YIPF6: variants seen among roughly 807,000 people sequenced by gnomAD.
The protein encoded by YIPF6 is protein YIPF6.
YIPF6 carries 3 observed loss-of-function variants against 16.8 expected under a neutral mutation model. The ratio of observed to expected loss-of-function variants is 0.18; its 90% CI spans 0.08 to 0.46. YIPF6 has a LOEUF of 0.46. YIPF6 is among the 20% of genes least tolerant of loss of function. The pLI, the probability that YIPF6 is intolerant of heterozygous loss-of-function variation, is 0.98. For synonymous variants in YIPF6, 67 were observed against 61.9 expected, an observed-to-expected ratio of 1.08 and a Z score of -0.38; for missense variants, 145 against 184.9, an observed-to-expected ratio of 0.78 and a Z score of 1.25.
chrX:68,522,414 A>G (rs1480795528), intron 5 of YIPF6, among the ~76,000 whole-genome samples: 1 of 109,509 alleles, frequency 9.1e-6, no homozygotes. Flanking sequence ...TTCCTGCCTC[A>G]GCCTCCTGAG....
At chrX:68,518,896 T>C in intron 4 of YIPF6, 84 bp downstream of exon 4, 1 of 947,756 alleles carries the variant, frequency 1.1e-6, no homozygotes, top group Non-Finnish European at 1.4e-6. Flanking sequence ...GGATTTTGAT[T>C]GAATATTTCA....
At chrX:68,520,743 A>G (rs897744108) in intron 4 of YIPF6, among the ~76,000 whole-genome samples, 1 of 111,908 alleles carries the variant, frequency 8.9e-6, no homozygotes, top group Admixed American at 9.5e-5. Flanking sequence ...AAGTGCTGAG[A>G]TTACAGGCTA....
At chrX:68,509,291 A>G (rs994636468) in intron 1 of YIPF6, among the ~76,000 whole-genome samples, 12 of 109,418 alleles carry the variant, frequency 1.1e-4, no homozygotes, top group African/African-American at 4.0e-4. Context: ...TTTTTTAAAA[A>G]CATTTTTTGT....
rs180901050 is a variant in YIPF6, at chrX:68,499,935, C to G, written c.57+812C>G. On this transcript the variant is annotated intron_variant, in intron 1 of 6. Coordinates refer to ENST00000462683, the MANE Select transcript of YIPF6 (RefSeq NM_173834.4). ...GATTACAGGCGTGAGCCACTGTGCC[C>G]GGCCATCTTCACTATACTCTCTTGC... Among the ~76,000 whole-genome samples, 4 of 112,297 alleles carry G rather than the reference C, an allele frequency of 3.6e-5. No individual in the cohort carries two copies. The Admixed American group carries it at 3.8e-4, about 11-fold the overall frequency.
chrX:68,527,107 CT>C (rs1247630450), intron 6 of YIPF6, among the ~76,000 whole-genome samples: 2 of 111,501 alleles, frequency 1.8e-5, no homozygotes, highest in Non-Finnish European at 3.8e-5. Flanking sequence ...TGGTCATGGG[CT>C]TTTTTTGATT....
intron 1 of YIPF6, among the ~76,000 whole-genome samples, chrX:68,509,558 G>A (rs1394461319): frequency 2.7e-5 from 3 of 111,561 alleles, no homozygotes; most frequent in Non-Finnish European, 5.7e-5. Flanking sequence ...TGCTAGCCTG[G>A]TGATAGGGGC....
rs2079188104 is a variant in YIPF6, at chrX:68,535,557, T to A, written c.*3558T>A. On this transcript the variant is annotated 3_prime_UTR_variant, in exon 7 of 7. Transcript: ENST00000462683. ...AAATAAATGTATAAATGTTAATTCATGTATATAAATTAGAAACACTTTTCT... is the reference window on the plus strand; with the variant it reads ...AAATAAATGTATAAATGTTAATTCAAGTATATAAATTAGAAACACTTTTCT... The A allele has an allele frequency of 8.9e-6, 1 of 111,860 alleles. No homozygotes were observed. The allele number at this position is 111,860 out of a possible 1,213,427, so 9.2% of individuals were successfully genotyped here.
At chrX:68,515,983 C>T (rs1348650875) in intron 3 of YIPF6, among the ~76,000 whole-genome samples, 1 of 111,069 alleles carries the variant, frequency 9.0e-6, no homozygotes, top group African/African-American at 3.3e-5. Flanking sequence ...ATTAGCTAAG[C>T]GTGGTGGCAG....
intron 2 of YIPF6, among the ~76,000 whole-genome samples, chrX:68,512,529 A>G (rs2079085251): frequency 8.9e-6 from 1 of 112,185 alleles, no homozygotes; most frequent in Non-Finnish European, 1.9e-5. Context: ...AATGTAGTAT[A>G]AGGAAAGTTT....
rs2079188491 is a variant in YIPF6 at position 68,535,657 on chromosome X, TAATGAC to T, written c.*3664_*3669del. On this transcript the variant is annotated 3_prime_UTR_variant, in exon 7 of 7. Coordinates refer to ENST00000462683, the MANE Select transcript of YIPF6 (RefSeq NM_173834.4). ...AGGCCACAGAATGGCCAAATAATAA[TAATGAC>T]AATGATATTACTAATAATAATAGCT... 1 of 112,152 alleles carries T rather than the reference TAATGAC, an allele frequency of 8.9e-6. No individual in the cohort carries two copies. Among genetic ancestry groups the T allele is most frequent in the Non-Finnish European group, 1.9e-5 (1 of 53,281 alleles). 9.2% of individuals were successfully genotyped at this position (112,152 alleles called of 1,213,427 possible).
At chrX:68,531,735 C>G in intron 6 of YIPF6, 146 bp from the exon 7 acceptor site, 3 of 417,691 alleles carry the variant, frequency 7.2e-6, no homozygotes, top group Non-Finnish European at 8.1e-6. Context: ...ATGCCTTTAT[C>G]TCTGAGGATC....
At chrX:68,502,347 G>A (rs949908945) in intron 1 of YIPF6, among the ~76,000 whole-genome samples, 2 of 111,715 alleles carry the variant, frequency 1.8e-5, no homozygotes, top group African/African-American at 3.3e-5. Flanking sequence ...TCTTAGATCA[G>A]TATTTTCCAA....
At chrX:68,513,541 G>A (rs2079089505) in intron 3 of YIPF6, 136 bp downstream of exon 3, 6 of 346,459 alleles carry the variant, frequency 1.7e-5, no homozygotes, top group Non-Finnish European at 1.4e-5. Context: ...AAACGAATAT[G>A]TAAATCAAAC....
rs769873973 is a variant in YIPF6, at chrX:68,507,483, A to G, written c.58-4366A>G. Among the ~76,000 whole-genome samples the G allele has an allele frequency of 5.4e-5, 6 of 111,284 alleles. No individual in the cohort carries two copies. The South Asian group carries it at 2.2e-3, about 41-fold the overall frequency. Reference sequence around the variant, plus strand: ...GCTGGGTTTAGAATTCAGTGTTGATAGTTTTATTCTTTTAGCACTCTAAAA... The same window carrying G: ...GCTGGGTTTAGAATTCAGTGTTGATGGTTTTATTCTTTTAGCACTCTAAAA... On this transcript the variant is annotated intron_variant, in intron 1 of 6. Transcript: ENST00000462683.
intron 6 of YIPF6, among the ~76,000 whole-genome samples, chrX:68,527,458 G>A (rs747113422): frequency 9.0e-6 from 1 of 110,927 alleles, no homozygotes; most frequent in African/African-American, 3.3e-5. Context: ...GGTTTTTCTT[G>A]TCTCTATCTC....
chrX:68,499,252 GC>G, intron 1 of YIPF6, 129 bp downstream of exon 1: 1 of 867,568 alleles, frequency 1.2e-6, no homozygotes, highest in Non-Finnish European at 1.6e-6. Context: ...TGTACCCGAT[GC>G]CAGAACCAGT....
intron 6 of YIPF6, among the ~76,000 whole-genome samples, chrX:68,527,261 AGAGG>A (rs2079152472): frequency 1.8e-5 from 2 of 112,093 alleles, no homozygotes; most frequent in Non-Finnish European, 3.8e-5. Context: ...TTATTTGCAT[AGAGG>A]TATTTATAGT....
At chrX:68,517,859 A>G (rs1286380110) in intron 3 of YIPF6, among the ~76,000 whole-genome samples, 3 of 108,735 alleles carry the variant, frequency 2.8e-5, no homozygotes, top group African/African-American at 1.0e-4. Flanking sequence ...CCAATTATTC[A>G]GGAGGCTGAG....
intron 5 of YIPF6, among the ~76,000 whole-genome samples, chrX:68,522,197 T>C (rs1379716852): frequency 9.0e-6 from 1 of 111,270 alleles, no homozygotes. Context: ...GAGAAAGATA[T>C]CTGTAGGAAC....
Sources: gnomAD v4.1 joint callset for allele counts (sites outside exome capture counted in the v4.1 genomes callset) on GRCh38, gnomAD v4.1.1 for gene constraint, MANE v1.5 for transcripts, NCBI Gene and HGNC (gene_info 2026-07-23, HGNC 2026-07-21) for gene names.